The following OR52K1 variants were observed in gnomAD, a reference collection of about 807,000 sequenced individuals.
OR52K1 encodes olfactory receptor 52K1.
In OR52K1, 10 loss-of-function variants were observed where a neutral mutation model predicts 8.7. That is an observed-to-expected ratio of 1.15 (90% CI 0.71 to 1.95). The LOEUF is 1.95. Ranked by LOEUF, OR52K1 falls within the 30% of genes most tolerant of loss-of-function variation. The probability of loss-of-function intolerance (pLI) is 0.00; values close to 1 mark genes in which losing one functional copy is unlikely to be tolerated. For synonymous variants in OR52K1, 203 were observed against 148.5 expected (o/e 1.37, Z -2.67); for missense variants, 431 against 397.2 (o/e 1.08, Z -0.72).
chr11:4,484,825 AACACACAGACACACACACACACAC>A (rs1846307571), intron 1 of OR52K1, among the ~76,000 whole-genome samples: 1 of 131,766 alleles, frequency 7.6e-6, no homozygotes, highest in African/African-American at 2.8e-5. Context: ...TCTGTTCTAA[AACACACAGACACACACACACACAC>A]ACACACACAC....
In OR52K1 at chr11:4,488,791, T is replaced by A; in HGVS notation, c.-110T>A. 3 of 747,256 alleles carry A rather than the reference T, an allele frequency of 4.0e-6. No individual in the cohort carries two copies. The highest frequency in any genetic ancestry group is 4.5e-6 in the Non-Finnish European group (2 of 439,986). The allele number at this position is 747,256 out of a possible 1,614,324, so 46.3% of individuals were successfully genotyped here. On this transcript the variant is annotated 5_prime_UTR_variant, in exon 2 of 2. Coordinates refer to ENST00000641528, the MANE Select transcript of OR52K1 (RefSeq NM_001005171.3). ...GTCTAGCAATGGAAACAAGAGGTAA[T>A]CTTTGCAGGTGGGATAGCACAGGTT...
chr11:4,483,721 G>A (rs992899629), intron 1 of OR52K1, among the ~76,000 whole-genome samples: 33 of 152,122 alleles, frequency 2.2e-4, no homozygotes, highest in African/African-American at 8.0e-4. Context: ...GAGACTCAAA[G>A]TAAAACATGT....
At position 4,488,909 on chromosome 11, in the gene OR52K1, C is replaced by G. The variant is rs1846342066; in HGVS notation, c.9C>G (p.Pro3=). The G allele has an allele frequency of 6.2e-7, 1 of 1,612,552 alleles. No individual in the cohort carries two copies. Among genetic ancestry groups the G allele is most frequent in the Non-Finnish European group, 8.5e-7 (1 of 1,179,160 alleles). ...GGAGATTTCCAGGAGCCATGCTTCC[C>G]TCTAATATCACCTCAACACATCCAG... is the stretch of plus-strand genomic sequence containing the variant. ML[P]SNITSTHPAV... Residue 3 remains proline, a synonymous_variant, in exon 2 of 2, where the codon CCC becomes CCG. Coordinates refer to ENST00000641528, the MANE Select transcript of OR52K1 (RefSeq NM_001005171.3).
Position 4,489,047 on chromosome 11 carries a change from C to T in OR52K1, c.147C>T (p.Phe49=), listed in dbSNP as rs1157063698. The part of the protein sequence containing the change: ...LALLGNCTLL[F]IIQADAALHE... The stretch of plus-strand genomic sequence containing the variant: ...TGCTAGGCAACTGTACCCTTCTCTT[C>T]ATTATCCAGGCTGATGCAGCCCTCC... The change falls in exon 2 of 2, where the codon TTC becomes TTT. Residue 49 remains phenylalanine, a synonymous_variant. Transcript: ENST00000641528. 1.9e-6 allele frequency: 3 copies of T among 1,614,040 alleles called. No homozygotes were observed. The highest frequency in any genetic ancestry group is 2.2e-5 in the East Asian group (1 of 44,896).
At chr11:4,487,730 A>G (rs547918346) in intron 1 of OR52K1, among the ~76,000 whole-genome samples, 4 of 152,288 alleles carry the variant, frequency 2.6e-5, no homozygotes, top group Admixed American at 2.6e-4. Flanking sequence ...TGTTTTCAAT[A>G]TTTACTTTGT....
chr11:4,487,467 G>A (rs2133106196), intron 1 of OR52K1, among the ~76,000 whole-genome samples: 1 of 151,956 alleles, frequency 6.6e-6, no homozygotes, highest in East Asian at 1.9e-4. Context: ...TGGCAGTCAT[G>A]ATTTCAGCCA....
rs1484885516 is a variant in OR52K1 at position 4,491,172 on chromosome 11, G to C, written c.*1327G>C. 1 of 152,132 alleles carries C rather than the reference G, an allele frequency of 6.6e-6. No homozygotes were observed. Among genetic ancestry groups the C allele is most frequent in the East Asian group, 1.9e-4 (1 of 5,202 alleles). The allele number at this position is 152,132 out of a possible 1,614,324, so 9.4% of individuals were successfully genotyped here. A position where few individuals can be genotyped will look rare whatever the true frequency, so the allele number is the denominator to read the frequency against. Reference sequence around the variant, plus strand: ...CTCCTGTCCTTCTATCATGGGTAGGGTATTTCCTTCACTCCACGAATTTTA... The same window carrying C: ...CTCCTGTCCTTCTATCATGGGTAGGCTATTTCCTTCACTCCACGAATTTTA... On this transcript the variant is annotated 3_prime_UTR_variant, in exon 2 of 2. Transcript: ENST00000641528.
In OR52K1 at chr11:4,489,054, C is replaced by T. The variant is rs763614886; in HGVS notation, c.154C>T (p.Gln52Ter). 8.1e-6 allele frequency: 13 copies of T among 1,614,062 alleles called. No individual in the cohort carries two copies. The highest frequency in any genetic ancestry group is 1.3e-5 in the African/African-American group (1 of 74,932). The change falls in exon 2 of 2, where the codon CAG becomes TAG. Residue 52 changes from glutamine to a stop codon, truncating the protein, a stop_gained. Coordinates refer to ENST00000641528, the MANE Select transcript of OR52K1 (RefSeq NM_001005171.3). LOFTEE classifies it high-confidence loss of function. ...CAACTGTACCCTTCTCTTCATTATC[C>T]AGGCTGATGCAGCCCTCCATGAACC... Reference protein sequence around the residue: ...LGNCTLLFIIQADAALHEPMY... With the variant: ...LGNCTLLFII
At position 4,489,972 on chromosome 11, in the gene OR52K1, T is replaced by G. The variant is rs1467236021; in HGVS notation, c.*127T>G. ...CAATTCTCTAGTATGATAAGGAAAA[T>G]GAGGTTTCATTCCTCACAGATCTAC... On this transcript the variant is annotated 3_prime_UTR_variant, in exon 2 of 2. Coordinates refer to ENST00000641528, the MANE Select transcript of OR52K1 (RefSeq NM_001005171.3). 8 of 704,616 alleles carry G rather than the reference T, an allele frequency of 1.1e-5. No homozygotes were observed. The highest frequency in any genetic ancestry group is 1.9e-5 in the Non-Finnish European group (8 of 422,994). The allele number at this position is 704,616 out of a possible 1,614,324, so 43.6% of individuals were successfully genotyped here.
At chr11:4,486,005 C>T (rs1203518573) in intron 1 of OR52K1, among the ~76,000 whole-genome samples, 1 of 152,158 alleles carries the variant, frequency 6.6e-6, no homozygotes, top group Admixed American at 6.5e-5. Flanking sequence ...GTTCCTTTCC[C>T]CTGGGTGACT....
At chr11:4,487,850 C>G (rs905902542) in intron 1 of OR52K1, among the ~76,000 whole-genome samples, 6 of 151,896 alleles carry the variant, frequency 4.0e-5, no homozygotes, top group African/African-American at 1.5e-4. Flanking sequence ...TTTATACAAA[C>G]ATATATTTTA....
Position 4,489,157 on chromosome 11 carries a change from T to C in OR52K1, c.257T>C (p.Ile86Thr). The change falls in exon 2 of 2, where the codon ATA becomes ACA. Residue 86 changes from isoleucine (I) to threonine (T), a missense_variant. Physicochemically the swap from Ile to Thr is moderately conservative, Grantham distance 89 (BLOSUM62 -1). Coordinates refer to ENST00000641528, the MANE Select transcript of OR52K1 (RefSeq NM_001005171.3). ...ACAACGCTGCCCAAAATGCTTGCCA[T>C]ATTCTGGTTCAGGGATCAGGAGATC... ...SSTTLPKMLA[I>T]FWFRDQEINF... 1 of 1,614,264 alleles carries C rather than the reference T, an allele frequency of 6.2e-7. No homozygotes were observed. The highest frequency in any genetic ancestry group is 1.3e-5 in the African/African-American group (1 of 75,078).
rs1472020260 is a variant in OR52K1 at position 4,492,297 on chromosome 11, A to G, written c.*2452A>G. The G allele has an allele frequency of 1.3e-5, 2 of 152,270 alleles. No individual in the cohort carries two copies. Among genetic ancestry groups the G allele is most frequent in the East Asian group, 3.9e-4 (2 of 5,182 alleles). 9.4% of individuals were successfully genotyped at this position (152,270 alleles called of 1,614,324 possible). On this transcript the variant is annotated 3_prime_UTR_variant, in exon 2 of 2. Transcript: ENST00000641528. Reference sequence around the variant, plus strand: ...AAAAAAAAAAAATAAACTTTAAAATATGGCTGGAAAGCTTATCTTTCATTC... The same window carrying G: ...AAAAAAAAAAAATAAACTTTAAAATGTGGCTGGAAAGCTTATCTTTCATTC...
At position 4,489,323 on chromosome 11, in the gene OR52K1, C is replaced by T. The variant is rs3889581; in HGVS notation, c.423C>T (p.Ser141=). The T allele has an allele frequency of 1.3e-3, 2,086 of 1,614,162 alleles. 5 individuals are homozygous for T. Among genetic ancestry groups the T allele is most frequent in the Middle Eastern group, 7.4e-3 (45 of 6,062 alleles). The change falls in exon 2 of 2, where the codon TCC becomes TCT. Residue 141 remains serine (S), a synonymous_variant. Coordinates refer to ENST00000641528, the MANE Select transcript of OR52K1 (RefSeq NM_001005171.3). ...PLHYTTVLTG[S]LITKIGMAAV... Reference sequence around the variant, plus strand: ...ACTACACGACGGTCCTGACTGGGTCCCTCATCACCAAGATTGGCATGGCTG... The same window carrying T: ...ACTACACGACGGTCCTGACTGGGTCTCTCATCACCAAGATTGGCATGGCTG...
Position 4,489,275 on chromosome 11 carries a change from T to C in OR52K1, c.375T>C (p.Tyr125=), listed in dbSNP as rs1368252378. ...AVLLAMAFDR[Y]VAICKPLHYT... ...TGCTGGCCATGGCCTTTGACCGCTA[T>C]GTGGCCATCTGCAAGCCATTGCACT... Residue 125 remains tyrosine (Y), a synonymous_variant, in exon 2 of 2, where the codon TAT becomes TAC. Coordinates refer to ENST00000641528, the MANE Select transcript of OR52K1 (RefSeq NM_001005171.3). 1.9e-6 allele frequency: 3 copies of C among 1,614,114 alleles called. No individual in the cohort carries two copies. The Admixed American group carries it at 5.0e-5, about 27-fold the overall frequency.
At position 4,488,862 on chromosome 11, in the gene OR52K1, G is replaced by A. The variant is rs774454866; in HGVS notation, c.-39G>A. ...GTAGAAGGTATATATAGAAGGTGAA[G>A]AAGCCCTGTAAAAATTGACAAGGAG... On this transcript the variant is annotated 5_prime_UTR_variant, in exon 2 of 2. Coordinates refer to ENST00000641528, the MANE Select transcript of OR52K1 (RefSeq NM_001005171.3). The A allele has an allele frequency of 7.0e-6, 10 of 1,433,918 alleles. No individual in the cohort carries two copies. The highest frequency in any genetic ancestry group is 8.8e-6 in the Non-Finnish European group (9 of 1,026,834). The allele number at this position is 1,433,918 out of a possible 1,614,324, so 88.8% of individuals were successfully genotyped here.
chr11:4,488,994 C>T lies in OR52K1; in HGVS notation c.94C>T (p.Pro32Ser), dbSNP rs752131811. 21 of 1,614,116 alleles carry T rather than the reference C, an allele frequency of 1.3e-5. No homozygotes were observed. In the South Asian group the frequency reaches 2.3e-4, roughly 18 times the overall value. The change falls in exon 2 of 2, where the codon CCC (proline) becomes TCC (serine). Residue 32 changes from proline to serine, a missense_variant. Transcript: ENST00000641528. ...LEHLHAWISIPFCFAYTLALL... is the reference protein window; with the variant it reads ...LEHLHAWISISFCFAYTLALL... ...ACACCTGCATGCCTGGATCTCCATC[C>T]CCTTCTGCTTTGCTTATACTCTGGC...
rs567461664 is a variant in OR52K1 at position 4,488,949 on chromosome 11, G to C, written c.49G>C (p.Val17Leu). 1 of 1,613,946 alleles carries C rather than the reference G, an allele frequency of 6.2e-7. No individual in the cohort carries two copies. Among genetic ancestry groups the C allele is most frequent in the Non-Finnish European group, 8.5e-7 (1 of 1,179,952 alleles). The change falls in exon 2 of 2, where the codon GTA becomes CTA. Residue 17 changes from valine to leucine, a missense_variant. Coordinates refer to ENST00000641528, the MANE Select transcript of OR52K1 (RefSeq NM_001005171.3). ...AACACATCCAGCTGTCTTTTTGTTG[G>C]TAGGAATTCCTGGTTTGGAACACCT... ...TSTHPAVFLL[V>L]GIPGLEHLHA...
chr11:4,486,947 C>T (rs917795488), intron 1 of OR52K1, among the ~76,000 whole-genome samples: 8 of 152,012 alleles, frequency 5.3e-5, no homozygotes, highest in African/African-American at 7.2e-5. Flanking sequence ...TGGTGGTACA[C>T]GAGAAAAGTG....
Sources: allele counts gnomAD v4.1 joint callset (sites outside exome capture counted in the v4.1 genomes callset), GRCh38; gene constraint gnomAD v4.1.1; transcripts MANE v1.5; gene names NCBI Gene and HGNC (gene_info 2026-07-23, HGNC 2026-07-21).